Variants in PRELID2 observed in about 807,000 individuals in gnomAD.
The protein encoded by PRELID2 is PRELI domain containing 2.
A neutral mutation model predicts 28.4 loss-of-function variants in PRELID2; 25 were observed. The observed-to-expected ratio is 0.88, with a 90% CI of 0.64 to 1.23. The LOEUF (loss-of-function observed/expected upper bound fraction) is 1.23. Among genes scored for constraint, PRELID2 ranks in the 50% most tolerant of loss-of-function variants. The pLI is 0.00. For missense variants in PRELID2, 201 were observed against 214.4 expected (o/e 0.94, Z 0.39); for synonymous variants, 76 against 71.6 (o/e 1.06, Z -0.31).
At chr5:145,617,723 T>C (rs1753718602) in intron 1 of PRELID2, among the ~76,000 whole-genome samples, 1 of 149,606 alleles carries the variant, frequency 6.7e-6, no homozygotes, top group South Asian at 2.1e-4. Flanking sequence ...TTGTTTTTTC[T>C]TTTCTTTCTT....
chr5:145,375,265 T>C, the PRELID2 span, among the ~76,000 whole-genome samples: 4 of 152,066 alleles, frequency 2.6e-5, no homozygotes, highest in Non-Finnish European at 5.9e-5. Flanking sequence ...GGCGTTTCAC[T>C]TCAGGACCTC....
intron 1 of PRELID2, among the ~76,000 whole-genome samples, chr5:145,550,105 C>T (rs1404958013): frequency 6.6e-6 from 1 of 151,958 alleles, no homozygotes; most frequent in Non-Finnish European, 1.5e-5. Context: ...AATAAGTAAA[C>T]ATATTAAAGA....
At chr5:145,634,301 A>T (rs1753971686) in intron 1 of PRELID2, among the ~76,000 whole-genome samples, 1 of 152,122 alleles carries the variant, frequency 6.6e-6, no homozygotes, top group Non-Finnish European at 1.5e-5. Flanking sequence ...TCCACTCCCA[A>T]AGCAAACACT....
the PRELID2 span, among the ~76,000 whole-genome samples, chr5:145,388,154 T>C: frequency 6.6e-6 from 1 of 152,114 alleles, no homozygotes; most frequent in South Asian, 2.1e-4. Context: ...AAGTAGGGAA[T>C]TGAGTGTTTG....
At chr5:145,256,078 C>T in the PRELID2 span, among the ~76,000 whole-genome samples, 1 of 151,818 alleles carries the variant, frequency 6.6e-6, no homozygotes, top group Non-Finnish European at 1.5e-5. Flanking sequence ...CAAGGCAAAA[C>T]AGGTCTCACT....
At chr5:145,687,757 C>A (rs1477414237) in intron 1 of PRELID2, among the ~76,000 whole-genome samples, 1 of 152,192 alleles carries the variant, frequency 6.6e-6, no homozygotes, top group Non-Finnish European at 1.5e-5. Flanking sequence ...TCAATCCAAT[C>A]ATTGTCCACA....
chr5:145,278,519 G>A, the PRELID2 span, among the ~76,000 whole-genome samples: 1 of 152,126 alleles, frequency 6.6e-6, no homozygotes, highest in Non-Finnish European at 1.5e-5. Flanking sequence ...TCACTCTGTA[G>A]TCCTCTCCAT....
chr5:145,454,212 T>C, the PRELID2 span, among the ~76,000 whole-genome samples: 1 of 152,194 alleles, frequency 6.6e-6, no homozygotes, highest in African/African-American at 2.4e-5. Context: ...AGAAAAGGCT[T>C]TTGACAAAAT....
At chr5:145,454,150 C>A in the PRELID2 span, among the ~76,000 whole-genome samples, 1 of 152,136 alleles carries the variant, frequency 6.6e-6, no homozygotes, top group African/African-American at 2.4e-5. Context: ...TTTTAATGAT[C>A]CCCATTCTAA....
intron 1 of PRELID2, among the ~76,000 whole-genome samples, chr5:145,583,703 G>C (rs1237554081): frequency 6.6e-6 from 1 of 151,988 alleles, no homozygotes; most frequent in Non-Finnish European, 1.5e-5. Context: ...GCTACAAAAA[G>C]AGTAAGATAC....
intron 5 of PRELID2, among the ~76,000 whole-genome samples, chr5:145,791,505 T>C (rs964544003): frequency 6.6e-6 from 1 of 152,212 alleles, no homozygotes; most frequent in Non-Finnish European, 1.5e-5. Context: ...TCCACTTATA[T>C]GACATAACCA....
chr5:145,249,693 G>T, the PRELID2 span, among the ~76,000 whole-genome samples: 73 of 152,208 alleles, frequency 4.8e-4, no homozygotes, highest in African/African-American at 1.6e-3. Context: ...CTATATTTCA[G>T]CCAGCAGAGA....
chr5:145,375,751 G>A, the PRELID2 span, among the ~76,000 whole-genome samples: 1 of 152,182 alleles, frequency 6.6e-6, no homozygotes. Flanking sequence ...AGGCACTCTG[G>A]CTGTAATCTG....
At chr5:145,339,564 C>G in the PRELID2 span, among the ~76,000 whole-genome samples, 1 of 152,150 alleles carries the variant, frequency 6.6e-6, no homozygotes, top group Non-Finnish European at 1.5e-5. Flanking sequence ...ATTCTAAGAG[C>G]CTAGTCTACA....
At chr5:145,331,640 CT>C in the PRELID2 span, among the ~76,000 whole-genome samples, 1 of 151,760 alleles carries the variant, frequency 6.6e-6, no homozygotes, top group Non-Finnish European at 1.5e-5. Flanking sequence ...TTCCTCCATC[CT>C]TTTTTTTGAG....
At chr5:145,414,719 T>A in the PRELID2 span, among the ~76,000 whole-genome samples, 1 of 152,328 alleles carries the variant, frequency 6.6e-6, no homozygotes, top group Admixed American at 6.5e-5. Flanking sequence ...TTTAAACTTT[T>A]GCTGAATTAA....
At chr5:145,791,122 G>C (rs1042649289) in intron 5 of PRELID2, among the ~76,000 whole-genome samples, 8 of 152,004 alleles carry the variant, frequency 5.3e-5, no homozygotes, top group Non-Finnish European at 7.4e-5. Flanking sequence ...TGGCTAGGGA[G>C]GCCTCACAAT....
At chr5:145,407,286 T>A in the PRELID2 span, among the ~76,000 whole-genome samples, 1 of 151,858 alleles carries the variant, frequency 6.6e-6, no homozygotes, top group Admixed American at 6.6e-5. Flanking sequence ...ATGGTGGGAG[T>A]GAGACTGGAG....
chr5:145,687,441 G>T (rs1166735685), intron 1 of PRELID2, among the ~76,000 whole-genome samples: 4 of 152,158 alleles, frequency 2.6e-5, no homozygotes, highest in African/African-American at 9.7e-5. Context: ...GTCAAGGAAA[G>T]GCCTAGGAAC....
Sources: gnomAD v4.1 joint callset for allele counts (sites outside exome capture counted in the v4.1 genomes callset) on GRCh38, gnomAD v4.1.1 for gene constraint, MANE v1.5 for transcripts, NCBI Gene and HGNC (gene_info 2026-07-23, HGNC 2026-07-21) for gene names.